The following OSBPL9 variants were observed in gnomAD, a reference collection of about 807,000 sequenced individuals.
OSBPL9 encodes the protein oxysterol binding protein like 9.
Under a neutral mutation model 106.6 loss-of-function variants are expected in OSBPL9, and 40 were observed. The ratio of observed to expected loss-of-function variants is 0.38; its 90% confidence interval spans 0.29 to 0.49. The LOEUF is 0.49. Ranked by LOEUF, OSBPL9 falls within the 20% of genes least tolerant of loss-of-function variation. The pLI, the probability that OSBPL9 is intolerant of heterozygous loss-of-function variation, is 0.97. For synonymous variants in OSBPL9, 269 were observed against 295.4 expected, an observed-to-expected ratio of 0.91 and a Z score of 0.92; for missense variants, 609 against 887.2, an observed-to-expected ratio of 0.69 and a Z score of 3.98.
In OSBPL9 at chr1:51,782,537, ATTATG is replaced by A. The variant is rs780492394; in HGVS notation, c.1429-17_1429-13del. 9.3e-6 allele frequency: 15 copies of A among 1,608,464 alleles called. No homozygotes were observed. The highest frequency in any genetic ancestry group is 3.4e-5 in the Admixed American group (2 of 59,318). ...ATTTGTGTTTTCTCATCAAAAGAAA[ATTATG>A]TTATATTTGCTTGCAGGAACTAGTT... is the stretch of plus-strand genomic sequence containing the variant. On this transcript the variant is annotated splice_polypyrimidine_tract_variant and intron_variant, in intron 16 of 23. Transcript: ENST00000428468.
chr1:51,758,832 G>A (rs556258423), intron 9 of OSBPL9, among the ~76,000 whole-genome samples: 3 of 152,218 alleles, frequency 2.0e-5, no homozygotes, highest in Admixed American at 6.5e-5. Flanking sequence ...CGAGAAAAGC[G>A]CTGTGTAAAC....
intron 10 of OSBPL9, 66 bp downstream of exon 10, chr1:51,760,846 C>T (rs1671338628): frequency 1.3e-6 from 2 of 1,537,956 alleles, no homozygotes; most frequent in Non-Finnish European, 1.8e-6. Flanking sequence ...GCTGTCATAG[C>T]AGTCTTAGCT....
chr1:51,613,511 TACTC>T (rs942639925), upstream of OSBPL9, among the ~76,000 whole-genome samples: 9 of 152,216 alleles, frequency 5.9e-5, no homozygotes, highest in Admixed American at 3.9e-4. Flanking sequence ...GAGATTAAAA[TACTC>T]ACAGAGTTAT....
chr1:51,547,957 A>G, the OSBPL9 span, among the ~76,000 whole-genome samples: 1 of 151,932 alleles, frequency 6.6e-6, no homozygotes, highest in African/African-American at 2.4e-5. Context: ...TTAAATCCTC[A>G]AAACTGGAAG....
intron 2 of OSBPL9, among the ~76,000 whole-genome samples, chr1:51,652,647 C>T (rs1237530644): frequency 6.6e-6 from 1 of 152,124 alleles, no homozygotes; most frequent in East Asian, 1.9e-4. Context: ...ACTAACTATT[C>T]AAAATCCAGT....
chr1:51,656,752 T>G (rs1311413214), intron 2 of OSBPL9, among the ~76,000 whole-genome samples: 1 of 151,672 alleles, frequency 6.6e-6, no homozygotes, highest in African/African-American at 2.4e-5. Context: ...CCCAAATTCC[T>G]GGCCTCAAGC....
intron 4 of OSBPL9, among the ~76,000 whole-genome samples, chr1:51,727,131 CT>C (rs34741660): frequency 0.18 from 19,836 of 107,228 alleles, 1,008 homozygotes; most frequent in Middle Eastern, 0.25. Context: ...GAGATGTAGG[CT>C]TTTTTTTTTT....
chr1:51,533,629 A>G, the OSBPL9 span, among the ~76,000 whole-genome samples: 1 of 152,086 alleles, frequency 6.6e-6, no homozygotes, highest in Non-Finnish European at 1.5e-5. Context: ...TGGCATTTGA[A>G]TCGAGCCTCA....
intron 4 of OSBPL9, among the ~76,000 whole-genome samples, chr1:51,731,706 G>A (rs1397283991): frequency 6.6e-6 from 1 of 151,888 alleles, no homozygotes; most frequent in African/African-American, 2.4e-5. Flanking sequence ...AAACCCTGGA[G>A]GGGGAGCTTA....
rs1266039119 is a variant in OSBPL9 at position 51,786,276 on chromosome 1, T to TA, written c.1909-250_1909-249insA. 12 of 458,332 alleles carry TA rather than the reference T, an allele frequency of 2.6e-5. No homozygotes were observed. The Admixed American group carries it at 4.0e-4, about 15-fold the overall frequency. The allele number at this position is 458,332 out of a possible 1,614,324, so 28.4% of individuals were successfully genotyped here. ...AGTTGAAGATTTTGTATAATAAAATTTACTGACTGCCTGGCACCAGAGATA... is the reference window on the plus strand; with the variant it reads ...AGTTGAAGATTTTGTATAATAAAATTATACTGACTGCCTGGCACCAGAGATA... On this transcript the variant is annotated intron_variant, in intron 21 of 23. Coordinates refer to ENST00000428468, the MANE Select transcript of OSBPL9 (RefSeq NM_024586.6).
intron 4 of OSBPL9, among the ~76,000 whole-genome samples, chr1:51,715,005 T>C (rs1446357362): frequency 6.6e-6 from 1 of 152,228 alleles, no homozygotes; most frequent in Admixed American, 6.5e-5. Context: ...TTTTCTATGT[T>C]TATTCTCCAG....
At chr1:51,574,667 T>C (rs1012249348), upstream of OSBPL9, among the ~76,000 whole-genome samples, 1 of 151,982 alleles carries the variant, frequency 6.6e-6, no homozygotes, top group African/African-American at 2.4e-5. Flanking sequence ...TGGGTGATCA[T>C]AGACAAAAAC....
Position 51,765,779 on chromosome 1 carries a change from T to C in OSBPL9, c.779-43T>C, listed in dbSNP as rs769756710. On this transcript the variant is annotated intron_variant, in intron 11 of 23. Coordinates refer to ENST00000428468, the MANE Select transcript of OSBPL9 (RefSeq NM_024586.6). ...TTGACTCCATCTCCCTAGTTTCTTC[T>C]CTTTCACCAATATTTTTCTCTAAAA... The C allele has an allele frequency of 5.2e-6, 8 of 1,539,716 alleles. No homozygotes were observed. The African/African-American group carries it at 1.1e-4, about 22-fold the overall frequency.
chr1:51,719,208 T>G (rs1661608776), intron 4 of OSBPL9, among the ~76,000 whole-genome samples: 1 of 152,226 alleles, frequency 6.6e-6, no homozygotes, highest in Non-Finnish European at 1.5e-5. Flanking sequence ...AGAAGATAAC[T>G]AAGATCTTCT....
chr1:51,760,376 A>C (rs1671230797), intron 9 of OSBPL9: 1 of 260,140 alleles, frequency 3.8e-6, no homozygotes, highest in Non-Finnish European at 7.4e-6. Context: ...TAAGAGATTG[A>C]GAAGCACCGA....
intron 3 of OSBPL9, among the ~76,000 whole-genome samples, chr1:51,711,504 G>A (rs1659888133): frequency 7.5e-6 from 1 of 134,116 alleles, no homozygotes; most frequent in African/African-American, 2.8e-5. Flanking sequence ...GGCTGGCCGG[G>A]CGGGGGGCTG....
Position 51,652,039 on chromosome 1 carries a change from AGAGT to A in OSBPL9, c.162+3_162+6del, listed in dbSNP as rs1646548926. 3 of 1,601,338 alleles carry A rather than the reference AGAGT, an allele frequency of 1.9e-6. No individual in the cohort carries two copies. The highest frequency in any genetic ancestry group is 1.7e-5 in the Admixed American group (1 of 57,860). On this transcript the variant is annotated splice_donor_variant and coding_sequence_variant, in exon 2 of 24. Transcript: ENST00000428468. LOFTEE classifies it high-confidence loss of function. ...CTCTCGCAGAGGATGTGTTAGACTC[AGAGT>A]GAGTATTTATTCATTTTTATGAAAA...
intron 3 of OSBPL9, among the ~76,000 whole-genome samples, chr1:51,693,343 G>T (rs1327492645): frequency 6.6e-6 from 1 of 150,632 alleles, no homozygotes; most frequent in Admixed American, 6.6e-5. Context: ...CTGCATTCCA[G>T]CCTGGGCAAC....
upstream of OSBPL9, among the ~76,000 whole-genome samples, chr1:51,615,017 T>G (rs1317007225): frequency 1.3e-5 from 2 of 152,182 alleles, no homozygotes; most frequent in African/African-American, 4.8e-5. Flanking sequence ...CCCAACACTT[T>G]GGGAGGCCGA....
Sources: allele counts gnomAD v4.1 joint callset (sites outside exome capture counted in the v4.1 genomes callset), GRCh38; gene constraint gnomAD v4.1.1; transcripts MANE v1.5; gene names NCBI Gene and HGNC (gene_info 2026-07-23, HGNC 2026-07-21).